The following CDS1 variants were observed in gnomAD, a reference collection of about 807,000 sequenced individuals.
CDS1 encodes CDP-diacylglycerol synthase 1.
CDS1 carries 41 observed loss-of-function variants against 62.1 expected under a neutral mutation model. The observed-to-expected ratio is 0.66, with a 90% CI of 0.51 to 0.86. The LOEUF (loss-of-function observed/expected upper bound fraction) is 0.86, where lower values mean the gene tolerates loss of function less well. Among genes scored for constraint, CDS1 ranks in the 40% least tolerant of loss-of-function variants. The probability of loss-of-function intolerance (pLI) is 0.00; values close to 1 mark genes in which losing one functional copy is unlikely to be tolerated. For synonymous variants in CDS1, 185 were observed against 192.6 expected (o/e 0.96, Z 0.32); for missense variants, 470 against 550.1 (o/e 0.85, Z 1.46).
At chr4:84,597,191 G>C (rs1279440409) in intron 1 of CDS1, among the ~76,000 whole-genome samples, 1 of 152,084 alleles carries the variant, frequency 6.6e-6, no homozygotes, top group Non-Finnish European at 1.5e-5. Context: ...CCTTCAGTGG[G>C]GAATAGAACA....
At chr4:84,636,605 A>G (rs1442553121) in intron 8 of CDS1, among the ~76,000 whole-genome samples, 2 of 151,984 alleles carry the variant, frequency 1.3e-5, no homozygotes, top group African/African-American at 4.8e-5. Context: ...GTTCACTGCA[A>G]CCTCCGCCTC....
intron 4 of CDS1, among the ~76,000 whole-genome samples, chr4:84,619,009 C>T (rs529782955): frequency 1.3e-5 from 2 of 151,570 alleles, no homozygotes; most frequent in African/African-American, 4.8e-5. Context: ...CACAAACATA[C>T]ACACATTATA....
chr4:84,611,237 A>T (rs1723310272), intron 3 of CDS1, among the ~76,000 whole-genome samples: 1 of 152,234 alleles, frequency 6.6e-6, no homozygotes, highest in South Asian at 2.1e-4. Context: ...TCAAGCACTT[A>T]GGCAGTGCTG....
In CDS1 at chr4:84,635,616, TGCCTGCCTGCCTTCCTTCC is replaced by T. The variant is rs1560481509; in HGVS notation, c.810+266_810+284del. Among the ~76,000 whole-genome samples the T allele has an allele frequency of 9.1e-4, 97 of 106,112 alleles. 1 individual carries two copies. The highest frequency in any genetic ancestry group is 0.01 in the Middle Eastern group (2 of 198). The allele number at this position is 106,112 out of a possible 152,430, so 69.6% of individuals were successfully genotyped here. A position where few individuals can be genotyped will look rare whatever the true frequency, so the allele number is the denominator to read the frequency against. ...CTGCCTGCCTGCCTGCCTGCCTGCC[TGCCTGCCTGCCTTCCTTCC>T]TTCCTTCCTTCCTTCCTTCCTTCCT... On this transcript the variant is annotated intron_variant, in intron 8 of 12. Transcript: ENST00000295887.
At chr4:84,626,561 C>G (rs1723867454) in intron 5 of CDS1, among the ~76,000 whole-genome samples, 1 of 152,186 alleles carries the variant, frequency 6.6e-6, no homozygotes, top group Non-Finnish European at 1.5e-5. Flanking sequence ...GCTGGGATTA[C>G]AGGCGTGTAT....
chr4:84,610,100 T>C (rs552614575), intron 3 of CDS1, among the ~76,000 whole-genome samples: 25 of 151,586 alleles, frequency 1.6e-4, no homozygotes, highest in Non-Finnish European at 2.8e-4. Flanking sequence ...CTCAGTGTAA[T>C]AGGAAAAACA....
chr4:84,604,504 T>G, intron 2 of CDS1, 134 bp downstream of exon 2: 3 of 737,718 alleles, frequency 4.1e-6, no homozygotes, highest in Non-Finnish European at 6.9e-6. Flanking sequence ...CCACCTAATA[T>G]CCGAGGTATA....
intron 4 of CDS1, 65 bp from the exon 5 acceptor site, chr4:84,619,329 T>A: frequency 3.6e-6 from 3 of 825,936 alleles, no homozygotes; most frequent in Non-Finnish European, 5.3e-6. Context: ...TAGAAAATAA[T>A]TTTGTTGAGT....
intron 8 of CDS1, among the ~76,000 whole-genome samples, chr4:84,635,696 T>TCCTTCCCTCCCTCCCTCCCTCCC (rs1393347967): frequency 3.1e-4 from 18 of 58,428 alleles, no homozygotes; most frequent in African/African-American, 1.1e-3. Context: ...CCTTCCCTCC[T>TCCTTCCCTCCCTCCCTCCCTCCC]TCCCTCCCTC....
intron 3 of CDS1, among the ~76,000 whole-genome samples, chr4:84,617,151 A>G (rs1723521770): frequency 6.6e-6 from 1 of 152,212 alleles, no homozygotes; most frequent in Non-Finnish European, 1.5e-5. Context: ...TGTGCAAGCA[A>G]ACTTTCATAT....
rs144762911 is a variant in CDS1, at chr4:84,619,521, C to A, written c.568C>A (p.Leu190Ile). The change falls in exon 5 of 13, where the codon CTC becomes ATC. Residue 190 changes from leucine to isoleucine, a missense_variant. Around this residue, in one of 5 missense-constraint regions of CDS1, gnomAD observed 214 missense variants for 242.4 expected, o/e 0.88. Coordinates refer to ENST00000295887, the MANE Select transcript of CDS1 (RefSeq NM_001263.4). ...IRYHRFISFA[L>I]YLAGFCMFVL... is the part of the protein sequence containing the mutation. ...CTACCATAGATTTATATCATTTGCC[C>A]TCTATCTGGCAGGTAAGTTAAGGAA... The A allele has an allele frequency of 6.3e-6, 10 of 1,586,500 alleles. No homozygotes were observed. Among genetic ancestry groups the A allele is most frequent in the Non-Finnish European group, 6.9e-6 (8 of 1,164,838 alleles).
rs1723602421 is a variant in CDS1, at chr4:84,619,394, G to C, written c.441G>C (p.Trp147Cys). 6.9e-7 allele frequency: 1 copy of C among 1,455,166 alleles called. No homozygotes were observed. The highest frequency in any genetic ancestry group is 1.4e-5 in the African/African-American group (1 of 70,590). The allele number at this position is 1,455,166 out of a possible 1,614,324, so 90.1% of individuals were successfully genotyped here. A position where few individuals can be genotyped will look rare whatever the true frequency, so the allele number is the denominator to read the frequency against. The change falls in exon 5 of 13, where the codon TGG (tryptophan) becomes TGC (cysteine). Residue 147 changes from tryptophan (W) to cysteine (C), a missense_variant and splice_region_variant. By Grantham distance (215) the Trp-to-Cys change is radical. Transcript: ENST00000295887. ...AAAGCTAATTGTTTTTAAATTATAG[G>C]TACTTTCTATTGTGTGTAAACTACT... is the stretch of plus-strand genomic sequence containing the variant. ...YDLPWFRTLS[W>C]YFLLCVNYFF...
intron 1 of CDS1, among the ~76,000 whole-genome samples, chr4:84,594,139 G>A (rs1399311547): frequency 6.6e-6 from 1 of 151,770 alleles, no homozygotes; most frequent in East Asian, 1.9e-4. Flanking sequence ...TTCTTGGCTG[G>A]GCTGCAAATT....
Position 84,635,274 on chromosome 4 carries a change from C to G in CDS1, c.733C>G (p.Pro245Ala). Residue 245 changes from proline to alanine, a missense_variant, in exon 8 of 13, where the codon CCA becomes GCA. Pro to Ala is a conservative substitution (Grantham distance 27). This residue lies in a region of CDS1 where 214 missense variants were observed against 242.4 expected (regional missense o/e 0.88). Coordinates refer to ENST00000295887, the MANE Select transcript of CDS1 (RefSeq NM_001263.4). ...TTTTTTTAAAAACAGGTTCCTTGTT[C>G]CAATATCAAGTGTTATCTGCAATGA... ...LFEGMIWFLV[P>A]ISSVICNDIT... 2.0e-6 allele frequency: 3 copies of G among 1,516,892 alleles called. No homozygotes were observed. Among genetic ancestry groups the G allele is most frequent in the Non-Finnish European group, 2.7e-6 (3 of 1,121,672 alleles). The allele number at this position is 1,516,892 out of a possible 1,614,324, so 94.0% of individuals were successfully genotyped here.
chr4:84,615,811 T>G (rs983654614), intron 3 of CDS1, among the ~76,000 whole-genome samples: 1 of 152,190 alleles, frequency 6.6e-6, no homozygotes, highest in Non-Finnish European at 1.5e-5. Context: ...TGAGTGTACA[T>G]TGCTACCAGT....
chr4:84,609,573 A>C, intron 3 of CDS1, 48 bp downstream of exon 3: 2 of 1,028,538 alleles, frequency 1.9e-6, no homozygotes, highest in Non-Finnish European at 3.1e-6. Context: ...GTTTTTCAAC[A>C]TTTATATAGG....
At chr4:84,597,064 TTA>T (rs1404850028) in intron 1 of CDS1, among the ~76,000 whole-genome samples, 1 of 152,166 alleles carries the variant, frequency 6.6e-6, no homozygotes, top group Non-Finnish European at 1.5e-5. Context: ...CTCAGGCATT[TTA>T]TGTTATGTTG....
At chr4:84,605,579 A>G (rs886763891) in intron 2 of CDS1, among the ~76,000 whole-genome samples, 23 of 152,048 alleles carry the variant, frequency 1.5e-4, no homozygotes, top group Admixed American at 3.9e-4. Flanking sequence ...TCTTGTTCCC[A>G]GTTGTTTTCA....
intron 5 of CDS1, among the ~76,000 whole-genome samples, chr4:84,622,851 A>G (rs1434933415): frequency 6.6e-6 from 1 of 152,122 alleles, no homozygotes; most frequent in African/African-American, 2.4e-5. Context: ...TTTTTATAGT[A>G]ATAGTTAGCA....
Sources: allele counts gnomAD v4.1 joint callset (sites outside exome capture counted in the v4.1 genomes callset), GRCh38; gene constraint gnomAD v4.1.1; regional missense constraint gnomAD v4.1.1; transcripts MANE v1.5; gene names NCBI Gene and HGNC (gene_info 2026-07-23, HGNC 2026-07-21).